IL17RD: variants seen among roughly 807,000 people sequenced by gnomAD.
IL17RD encodes interleukin-17 receptor D.
Under a neutral mutation model 80.5 loss-of-function variants are expected in IL17RD, and 52 were observed. That is an observed-to-expected ratio of 0.65 (90% CI 0.52 to 0.81). The LOEUF is 0.81. IL17RD is among the 40% of genes least tolerant of loss of function. The pLI, the probability that IL17RD is intolerant of heterozygous loss-of-function variation, is 0.00. For missense variants in IL17RD, 1,024 were observed against 955.1 expected, an observed-to-expected ratio of 1.07 and a Z score of -0.95; for synonymous variants, 416 against 391.8, an observed-to-expected ratio of 1.06 and a Z score of -0.73.
intron 1 of IL17RD, among the ~76,000 whole-genome samples, chr3:57,158,684 A>G (rs2060284271): frequency 6.6e-6 from 1 of 152,252 alleles, no homozygotes; most frequent in South Asian, 2.1e-4. Flanking sequence ...GCAAACATCA[A>G]TGTTAACAGT....
chr3:57,097,834 C>G lies in IL17RD; in HGVS notation c.1869G>C (p.Gln623His). Reference sequence around the variant, plus strand: ...CCCCGTCTTGGTCCAGGCCCCCATGCTGACTCTCGTGCTGGGAGTCGGCTG... The same window carrying G: ...CCCCGTCTTGGTCCAGGCCCCCATGGTGACTCTCGTGCTGGGAGTCGGCTG... Reference protein sequence around the residue: ...TGPADSQHESQHGGLDQDGEA... With the variant: ...TGPADSQHESHHGGLDQDGEA... The change falls in exon 12 of 13, where the codon CAG becomes CAC. Residue 623 changes from glutamine to histidine, a missense_variant. Physicochemically the swap from Gln to His is conservative, Grantham distance 24 (BLOSUM62 0). Transcript: ENST00000296318. The G allele has an allele frequency of 3.1e-6, 5 of 1,611,716 alleles. No individual in the cohort carries two copies. The highest frequency in any genetic ancestry group is 4.2e-6 in the Non-Finnish European group (5 of 1,178,914).
At chr3:57,105,554 T>TAA (rs1289862622) in intron 7 of IL17RD, among the ~76,000 whole-genome samples, 1 of 35,920 alleles carries the variant, frequency 2.8e-5, no homozygotes, top group African/African-American at 1.2e-4. Context: ...AAAAAAAAAA[T>TAA]ATATATATAT....
chr3:57,115,078 C>G (rs923762678), intron 2 of IL17RD, among the ~76,000 whole-genome samples: 4 of 152,126 alleles, frequency 2.6e-5, no homozygotes, highest in African/African-American at 9.7e-5. Context: ...TTGGGAGGAT[C>G]TTATACAGTG....
At chr3:57,128,452 C>T (rs974825033) in intron 1 of IL17RD, among the ~76,000 whole-genome samples, 1 of 152,088 alleles carries the variant, frequency 6.6e-6, no homozygotes, top group African/African-American at 2.4e-5. Context: ...TGAGGCCGAC[C>T]CATGCCAAGT....
intron 1 of IL17RD, among the ~76,000 whole-genome samples, chr3:57,147,420 CA>C (rs1176880838): frequency 2.0e-5 from 3 of 152,140 alleles, no homozygotes; most frequent in Admixed American, 2.0e-4. Context: ...ATTCTTTTCT[CA>C]AAACACAATT....
At position 57,094,792 on chromosome 3, in the gene IL17RD, C is replaced by T. The variant is rs1428168468; in HGVS notation, c.*1601G>A. The stretch of plus-strand genomic sequence containing the variant: ...CATAAAATGACTCTTCTCTGAGTTG[C>T]CTGTTGTTATGGGGAGGCAGTCTTG... On this transcript the variant is annotated 3_prime_UTR_variant, in exon 13 of 13. Coordinates refer to ENST00000296318, the MANE Select transcript of IL17RD (RefSeq NM_017563.5). The T allele has an allele frequency of 6.6e-6, 1 of 152,422 alleles. No homozygotes were observed. The highest frequency in any genetic ancestry group is 1.5e-5 in the Non-Finnish European group (1 of 68,042). 9.4% of individuals were successfully genotyped at this position (152,422 alleles called of 1,614,324 possible).
At chr3:57,137,415 AG>A (rs1274811812) in intron 1 of IL17RD, among the ~76,000 whole-genome samples, 1 of 152,182 alleles carries the variant, frequency 6.6e-6, no homozygotes, top group African/African-American at 2.4e-5. Flanking sequence ...CACAGGGAAA[AG>A]GTCTCTGATA....
intron 1 of IL17RD, among the ~76,000 whole-genome samples, chr3:57,122,510 A>G (rs1441950104): frequency 6.6e-6 from 1 of 152,204 alleles, no homozygotes; most frequent in Non-Finnish European, 1.5e-5. Context: ...GGATTCTTAT[A>G]GGAGCACAAA....
chr3:57,109,484 A>C lies in IL17RD; in HGVS notation c.550+53T>G, dbSNP rs1218884433. On this transcript the variant is annotated intron_variant, in intron 5 of 12. Coordinates refer to ENST00000296318, the MANE Select transcript of IL17RD (RefSeq NM_017563.5). The stretch of plus-strand genomic sequence containing the variant: ...AACACATTTCTGTAGAAAAATCATT[A>C]AAAGCGGAGAAAAGTCTTCTCATGG... The C allele has an allele frequency of 5.7e-6, 9 of 1,581,344 alleles. No individual in the cohort carries two copies. In the East Asian group the frequency reaches 6.7e-5, roughly 12 times the overall value.
chr3:57,143,831 C>T (rs1425559986), intron 1 of IL17RD, among the ~76,000 whole-genome samples: 2 of 152,140 alleles, frequency 1.3e-5, no homozygotes, highest in Non-Finnish European at 2.9e-5. Context: ...GAGGGGGGCA[C>T]CTTCTGGAAG....
At chr3:57,146,466 T>C (rs1266527239) in intron 1 of IL17RD, among the ~76,000 whole-genome samples, 1 of 152,088 alleles carries the variant, frequency 6.6e-6, no homozygotes, top group Non-Finnish European at 1.5e-5. Flanking sequence ...AAATTATACT[T>C]GGGGCTGGGC....
chr3:57,110,910 C>T (rs1181539243), intron 3 of IL17RD, among the ~76,000 whole-genome samples: 2 of 152,240 alleles, frequency 1.3e-5, no homozygotes. Context: ...AAGGGTTGCC[C>T]AGTGTGTGCT....
intron 10 of IL17RD, among the ~76,000 whole-genome samples, chr3:57,102,039 ATGCT>A (rs1706842754): frequency 6.6e-6 from 1 of 151,984 alleles, no homozygotes; most frequent in African/African-American, 2.4e-5. Flanking sequence ...GGCAGGAGGA[ATGCT>A]TGAGCTTAGG....
At chr3:57,162,181 A>G (rs1445127853) in intron 1 of IL17RD, among the ~76,000 whole-genome samples, 1 of 152,232 alleles carries the variant, frequency 6.6e-6, no homozygotes, top group East Asian at 1.9e-4. Context: ...ACATTCCTGC[A>G]AGGGCAAGGG....
intron 1 of IL17RD, among the ~76,000 whole-genome samples, chr3:57,137,252 G>A (rs541927020): frequency 6.6e-6 from 1 of 152,324 alleles, no homozygotes; most frequent in East Asian, 1.9e-4. Flanking sequence ...TTCTGTGTTA[G>A]ACACCCCCAA....
chr3:57,136,661 A>T (rs1707736947), intron 1 of IL17RD, among the ~76,000 whole-genome samples: 1 of 146,820 alleles, frequency 6.8e-6, no homozygotes, highest in Non-Finnish European at 1.5e-5. Flanking sequence ...AAAAAAAAAA[A>T]AAACTTAGCT....
chr3:57,141,743 A>T (rs1320545582), intron 1 of IL17RD, among the ~76,000 whole-genome samples: 1 of 152,228 alleles, frequency 6.6e-6, no homozygotes, highest in Non-Finnish European at 1.5e-5. Context: ...CCATGCCAAC[A>T]TCCTAATAAG....
chr3:57,147,628 C>T (rs754125125), intron 1 of IL17RD, among the ~76,000 whole-genome samples: 2 of 152,116 alleles, frequency 1.3e-5, no homozygotes, highest in African/African-American at 4.8e-5. Flanking sequence ...AGTAATAACT[C>T]GGAAACAGCC....
chr3:57,104,097 A>C (rs562236830), intron 8 of IL17RD, among the ~76,000 whole-genome samples: 1 of 152,352 alleles, frequency 6.6e-6, no homozygotes, highest in South Asian at 2.1e-4. Context: ...GGAATACTAG[A>C]GATTTTAAAC....
Sources: allele counts gnomAD v4.1 joint callset (sites outside exome capture counted in the v4.1 genomes callset), GRCh38; gene constraint gnomAD v4.1.1; transcripts MANE v1.5; gene names NCBI Gene and HGNC (gene_info 2026-07-23, HGNC 2026-07-21).